Variants in DCPS observed in about 807,000 individuals in gnomAD.
The protein encoded by DCPS is m7GpppX diphosphatase.
A neutral mutation model predicts 34.7 loss-of-function variants in DCPS; 27 were observed. That is an observed-to-expected ratio of 0.78 (90% CI 0.57 to 1.07). The LOEUF (loss-of-function observed/expected upper bound fraction) is 1.07. DCPS is among the 50% of genes least tolerant of loss of function. DCPS has a pLI of 0.00. For missense variants in DCPS, 464 were observed against 436.9 expected (o/e 1.06, Z -0.55); for synonymous variants, 185 against 185.7 (o/e 1.00, Z 0.03).
rs987358157 is a variant in DCPS at position 126,312,282 on chromosome 11, G to A, written c.376+5538G>A. On this transcript the variant is annotated intron_variant, in intron 2 of 5. Coordinates refer to ENST00000263579, the MANE Select transcript of DCPS (RefSeq NM_014026.6). The surrounding 1 kb of genome is among the most constrained non-coding windows in gnomAD (Gnocchi z 5.1). ...CCCATCCGCTATGGCATACTCTGTAGTATTTCCTATCTAGTTTCAGCCTTA... is the reference window on the plus strand; with the variant it reads ...CCCATCCGCTATGGCATACTCTGTAATATTTCCTATCTAGTTTCAGCCTTA... 6.6e-6 allele frequency among the ~76,000 whole-genome samples: 1 copy of A among 152,104 alleles called. No homozygotes were observed. The highest frequency in any genetic ancestry group is 1.5e-5 in the Non-Finnish European group (1 of 68,012).
At chr11:126,308,622 G>A (rs542843377) in intron 2 of DCPS, among the ~76,000 whole-genome samples, 1 of 152,218 alleles carries the variant, frequency 6.6e-6, no homozygotes, top group East Asian at 1.9e-4. Context: ...ATGACAGAAG[G>A]CACCGTGGCC....
In DCPS at chr11:126,306,659, C is replaced by T. The variant is rs960834180; in HGVS notation, c.291C>T (p.Leu97=). ...TTCAGGTGGAACAGGTGGCTCAGCT[C>T]CTGACGGGCAGCCCTGAGCTCCAGT... The part of the protein sequence containing the change: ...TPFQVEQVAQ[L]LTGSPELQLQ... The change falls in exon 2 of 6, where the codon CTC becomes CTT. Residue 97 remains leucine, a synonymous_variant. Coordinates refer to ENST00000263579, the MANE Select transcript of DCPS (RefSeq NM_014026.6). 1.2e-6 allele frequency: 2 copies of T among 1,613,854 alleles called. No homozygotes were observed. The highest frequency in any genetic ancestry group is 1.3e-5 in the African/African-American group (1 of 74,912).
chr11:126,310,607 C>T (rs967760938), intron 2 of DCPS, among the ~76,000 whole-genome samples: 1 of 152,212 alleles, frequency 6.6e-6, no homozygotes, highest in African/African-American at 2.4e-5. Context: ...GAAGAATGAA[C>T]CCACAAACTG....
Position 126,336,509 on chromosome 11 carries a change from A to G in DCPS, c.523-1777A>G, listed in dbSNP as rs1346233308. On this transcript the variant is annotated intron_variant, in intron 3 of 5. Transcript: ENST00000263579. This position sits in a 1 kb window ranked among gnomAD's most constrained non-coding sequence, Gnocchi z 6.3. ...CACCCAGTGACAGCTGGGAGATGAAACCAGGTCTCCTTGGCTCAGAACCTG... is the reference window on the plus strand; with the variant it reads ...CACCCAGTGACAGCTGGGAGATGAAGCCAGGTCTCCTTGGCTCAGAACCTG... The G allele has an allele frequency of 1.3e-5, 2 of 152,214 alleles. No homozygotes were observed. The highest frequency in any genetic ancestry group is 2.9e-5 in the Non-Finnish European group (2 of 68,056). 9.4% of individuals were successfully genotyped at this position (152,214 alleles called of 1,614,324 possible).
chr11:126,314,467 G>T (rs563783247), intron 2 of DCPS, among the ~76,000 whole-genome samples: 1 of 151,452 alleles, frequency 6.6e-6, no homozygotes, highest in Non-Finnish European at 1.5e-5. Context: ...TCTACCATTT[G>T]ATCCGGCAAT....
chr11:126,321,252 CAAA>C (rs776121972), intron 2 of DCPS, among the ~76,000 whole-genome samples: 13 of 97,554 alleles, frequency 1.3e-4, no homozygotes, highest in African/African-American at 1.1e-4. Flanking sequence ...GACCTTGTCT[CAAA>C]AAAAAAAAAA....
intron 2 of DCPS, among the ~76,000 whole-genome samples, chr11:126,316,294 A>G (rs1475593430): frequency 6.6e-6 from 1 of 151,818 alleles, no homozygotes; most frequent in African/African-American, 2.4e-5. Context: ...CAAATGTATA[A>G]ACTTTCTTAA....
rs906568405 is a variant in DCPS, at chr11:126,334,213, A to G, written c.522+2663A>G. ...GATAATTCATGACCCAGTATAGGGG[A>G]CAGAAACAGAAGAGTGGGTTTGCAT... On this transcript the variant is annotated intron_variant, in intron 3 of 5. Coordinates refer to ENST00000263579, the MANE Select transcript of DCPS (RefSeq NM_014026.6). This position sits in a 1 kb window ranked among gnomAD's most constrained non-coding sequence, Gnocchi z 5.5. 6.6e-6 allele frequency among the ~76,000 whole-genome samples: 1 copy of G among 152,196 alleles called. No homozygotes were observed. Among genetic ancestry groups the G allele is most frequent in the African/African-American group, 2.4e-5 (1 of 41,456 alleles).
chr11:126,328,073 C>T lies in DCPS; in HGVS notation c.377-3332C>T, dbSNP rs573955798. On this transcript the variant is annotated intron_variant, in intron 2 of 5. Transcript: ENST00000263579. The surrounding 1 kb of genome is among the most constrained non-coding windows in gnomAD (Gnocchi z 6.6). Reference sequence around the variant, plus strand: ...GGCTCGTTGGGTAGGAGGGTCAGCTCGGCCGTGGGAGCGGCCAGGGCACGG... The same window carrying T: ...GGCTCGTTGGGTAGGAGGGTCAGCTTGGCCGTGGGAGCGGCCAGGGCACGG... Among the ~76,000 whole-genome samples, 5 of 152,310 alleles carry T rather than the reference C, an allele frequency of 3.3e-5. No individual in the cohort carries two copies. The highest frequency in any genetic ancestry group is 9.6e-5 in the African/African-American group (4 of 41,582).
At position 126,336,048 on chromosome 11, in the gene DCPS, G is replaced by A. The variant is rs1012051376; in HGVS notation, c.523-2238G>A. ...AGAGAATCGCTTGAACCTGGGAGGC[G>A]GAGGTTGCAGTGAGCCGAAATCACG... On this transcript the variant is annotated intron_variant, in intron 3 of 5. Coordinates refer to ENST00000263579, the MANE Select transcript of DCPS (RefSeq NM_014026.6). This position sits in a 1 kb window ranked among gnomAD's most constrained non-coding sequence, Gnocchi z 6.3. Among the ~76,000 whole-genome samples, 2 of 151,544 alleles carry A rather than the reference G, an allele frequency of 1.3e-5. No individual in the cohort carries two copies. The highest frequency in any genetic ancestry group is 2.1e-4 in the South Asian group (1 of 4,796).
At chr11:126,316,668 CT>C (rs1951661245) in intron 2 of DCPS, among the ~76,000 whole-genome samples, 1 of 137,532 alleles carries the variant, frequency 7.3e-6, no homozygotes, top group African/African-American at 2.8e-5. Context: ...TCATGTTTTT[CT>C]TGAGATGGAG....
rs747786581 is a variant in DCPS at position 126,322,596 on chromosome 11, C to CTTT, written c.377-8796_377-8794dup. Among the ~76,000 whole-genome samples the CTTT allele has an allele frequency of 1.5e-5, 2 of 137,912 alleles. No individual in the cohort carries two copies. The highest frequency in any genetic ancestry group is 2.3e-4 in the South Asian group (1 of 4,334). The allele number at this position is 137,912 out of a possible 152,430, so 90.5% of individuals were successfully genotyped here. A position where few individuals can be genotyped will look rare whatever the true frequency, so the allele number is the denominator to read the frequency against. On this transcript the variant is annotated intron_variant, in intron 2 of 5. Coordinates refer to ENST00000263579, the MANE Select transcript of DCPS (RefSeq NM_014026.6). The surrounding 1 kb of genome is among the most constrained non-coding windows in gnomAD (Gnocchi z 4.2). ...AGATTTTCTTTCTATCCTAAAATTCCTTTTTTTTTTTTTTTGAGACGAAGT... is the reference window on the plus strand; with the variant it reads ...AGATTTTCTTTCTATCCTAAAATTCCTTTTTTTTTTTTTTTTTTGAGACGAAGT...
rs570169857 is a variant in DCPS at position 126,327,691 on chromosome 11, T to C, written c.377-3714T>C. Among the ~76,000 whole-genome samples, 7 of 152,352 alleles carry C rather than the reference T, an allele frequency of 4.6e-5. No individual in the cohort carries two copies. The highest frequency in any genetic ancestry group is 2.6e-4 in the Admixed American group (4 of 15,306). On this transcript the variant is annotated intron_variant, in intron 2 of 5. Coordinates refer to ENST00000263579, the MANE Select transcript of DCPS (RefSeq NM_014026.6). This position sits in a 1 kb window ranked among gnomAD's most constrained non-coding sequence, Gnocchi z 4.1. ...GTAAACCTTAGCATTAGGAAATATA[T>C]TGATTTGTATCAGAGAGGTTTTATT...
chr11:126,338,482 C>A lies in DCPS; in HGVS notation c.636+83C>A, dbSNP rs1406201032. On this transcript the variant is annotated intron_variant, in intron 4 of 5. Coordinates refer to ENST00000263579, the MANE Select transcript of DCPS (RefSeq NM_014026.6). The surrounding 1 kb of genome is among the most constrained non-coding windows in gnomAD (Gnocchi z 5.4). ...CCTTCTGACTGCCCTCTTTCTCACG[C>A]TGGCCTGTCTCTAAGCAGATTATAA... is the stretch of plus-strand genomic sequence containing the variant. The A allele has an allele frequency of 7.9e-7, 1 of 1,272,280 alleles. No homozygotes were observed. The highest frequency in any genetic ancestry group is 1.1e-6 in the Non-Finnish European group (1 of 873,270). The allele number at this position is 1,272,280 out of a possible 1,614,324, so 78.8% of individuals were successfully genotyped here. A position where few individuals can be genotyped will look rare whatever the true frequency, so the allele number is the denominator to read the frequency against.
At position 126,322,839 on chromosome 11, in the gene DCPS, A is replaced by AT. The variant is rs1565374521; in HGVS notation, c.377-8559dup. Among the ~76,000 whole-genome samples, 2 of 151,928 alleles carry AT rather than the reference A, an allele frequency of 1.3e-5. No homozygotes were observed. Among genetic ancestry groups the AT allele is most frequent in the Admixed American group, 1.3e-4 (2 of 15,242 alleles). On this transcript the variant is annotated intron_variant, in intron 2 of 5. Transcript: ENST00000263579. This position sits in a 1 kb window ranked among gnomAD's most constrained non-coding sequence, Gnocchi z 4.2. ...AAATTCTTTAGCAAGAAGCAAAAAA[A>AT]TTTTTTTGAGACAATGTCTCACTTT...
At position 126,313,345 on chromosome 11, in the gene DCPS, A is replaced by T. The variant is rs983399142; in HGVS notation, c.376+6601A>T. On this transcript the variant is annotated intron_variant, in intron 2 of 5. Coordinates refer to ENST00000263579, the MANE Select transcript of DCPS (RefSeq NM_014026.6). The surrounding 1 kb of genome is among the most constrained non-coding windows in gnomAD (Gnocchi z 4.9). Reference sequence around the variant, plus strand: ...ACCCGGACCTCCTGAGGGAGGGGTGAGGACTTGTTTGGAAGGAGCATTTTA... The same window carrying T: ...ACCCGGACCTCCTGAGGGAGGGGTGTGGACTTGTTTGGAAGGAGCATTTTA... 2.0e-5 allele frequency among the ~76,000 whole-genome samples: 3 copies of T among 152,246 alleles called. No individual in the cohort carries two copies. The highest frequency in any genetic ancestry group is 7.2e-5 in the African/African-American group (3 of 41,470).
At position 126,344,210 on chromosome 11, in the gene DCPS, T is replaced by C. The variant is rs1591393826; in HGVS notation, c.747+793T>C. ...CTTTTTGACCAGTGATGCTTCGAGG[T>C]GTTAATGCAGACCTGGAGGCAAGGC... On this transcript the variant is annotated intron_variant, in intron 5 of 5. Transcript: ENST00000263579. The surrounding 1 kb of genome is among the most constrained non-coding windows in gnomAD (Gnocchi z 8.1). Among the ~76,000 whole-genome samples the C allele has an allele frequency of 6.6e-6, 1 of 152,118 alleles. No individual in the cohort carries two copies. The highest frequency in any genetic ancestry group is 1.9e-4 in the East Asian group (1 of 5,160).
chr11:126,316,675 T>C (rs369378134), intron 2 of DCPS, among the ~76,000 whole-genome samples: 1 of 151,582 alleles, frequency 6.6e-6, no homozygotes, highest in South Asian at 2.1e-4. Flanking sequence ...TTTCTTGAGA[T>C]GGAGTCTCGC....
rs1280099063 is a variant in DCPS, at chr11:126,333,468, C to T, written c.522+1918C>T. ...GCACTCTGATGCCTAGACGAACTAC[C>T]GTGGTGATGCAGAGGGACAGTGACC... On this transcript the variant is annotated intron_variant, in intron 3 of 5. Transcript: ENST00000263579. This position sits in a 1 kb window ranked among gnomAD's most constrained non-coding sequence, Gnocchi z 5.7. Among the ~76,000 whole-genome samples the T allele has an allele frequency of 1.3e-5, 2 of 152,166 alleles. No individual in the cohort carries two copies. The highest frequency in any genetic ancestry group is 4.8e-5 in the African/African-American group (2 of 41,440).
Sources: gnomAD v4.1 joint callset for allele counts (sites outside exome capture counted in the v4.1 genomes callset) on GRCh38, gnomAD v4.1.1 for gene constraint, Gnocchi (gnomAD v3.1) non-coding constraint, MANE v1.5 for transcripts, NCBI Gene and HGNC (gene_info 2026-07-23, HGNC 2026-07-21) for gene names.